The following DST variants were observed in gnomAD, a reference collection of about 807,000 sequenced individuals.
DST encodes the protein dystonin.
In DST, 253 loss-of-function variants were observed where a neutral mutation model predicts 875.2. That is an observed-to-expected ratio of 0.29 (90% CI 0.26 to 0.32). DST has a LOEUF of 0.32. Among genes scored for constraint, DST ranks in the 10% least tolerant of loss-of-function variants. DST has a pLI of 1.00. For synonymous variants in DST, 3,124 were observed against 3,197.1 expected, an observed-to-expected ratio of 0.98 and a Z score of 0.77; for missense variants, 8,287 against 9,111.6, an observed-to-expected ratio of 0.91 and a Z score of 3.68.
chr6:56,946,728 G>C, intron 2 of DST, among the ~76,000 whole-genome samples: 1 of 152,198 alleles, frequency 6.6e-6, no homozygotes, highest in East Asian at 1.9e-4. Flanking sequence ...TACATTAATT[G>C]TGAGTCAGGA....
chr6:56,603,933 A>G lies in DST; in HGVS notation c.10695T>C (p.Asp3565=). The G allele has an allele frequency of 6.2e-7, 1 of 1,611,530 alleles. No homozygotes were observed. Among genetic ancestry groups the G allele is most frequent in the Non-Finnish European group, 8.5e-7 (1 of 1,178,622 alleles). Residue 3565 remains aspartate (D), a synonymous_variant, in exon 40 of 104, where the codon GAT becomes GAC. Transcript: ENST00000680361. The part of the protein sequence containing the change: ...STVWASTLPR[D]EKLKDLCNDF... ...CATTACACAGATCCTTGAGCTTCTC[A>G]TCTCTTGGCAATGTTGATGCCCACA...
chr6:56,557,320 T>G lies in DST; in HGVS notation c.14639A>C (p.Gln4880Pro). 3.1e-6 allele frequency: 5 copies of G among 1,612,434 alleles called. No individual in the cohort carries two copies. Among genetic ancestry groups the G allele is most frequent in the Non-Finnish European group, 4.2e-6 (5 of 1,179,408 alleles). ...GACAGGTTATTAGGTAATACTCACC[T>G]GCACCTGCTGCCTTTGTGTGTTTAG... ...NMLNTQRQQV[Q>P]ILLQEFATRK... is the part of the protein sequence containing the mutation. Residue 4880 changes from glutamine (Q) to proline (P), a missense_variant and splice_region_variant, in exon 59 of 104, where the codon CAG becomes CCG. Around this residue, in one of 10 missense-constraint regions of DST, gnomAD observed 1,513 missense variants for 1,677.8 expected, o/e 0.90. Transcript: ENST00000680361.
rs1467104844 is a variant in DST at position 56,517,291 on chromosome 6, C to A, written c.18264G>T (p.Glu6088Asp). Reference sequence around the variant, plus strand: ...CAATAATATCCTTGTGTCTCAAAATCTCCATGGTGAATGTCTGTGATTTAC... The same window carrying A: ...CAATAATATCCTTGTGTCTCAAAATATCCATGGTGAATGTCTGTGATTTAC... ...QLQVQKTFTM[E>D]ILRHKDIIDD... The change falls in exon 71 of 104, where the codon GAG (glutamate) becomes GAT (aspartate). Residue 6088 changes from glutamate (E) to aspartate (D), a missense_variant. Around this residue, in one of 10 missense-constraint regions of DST, gnomAD observed 777 missense variants for 764.8 expected, o/e 1.02. Coordinates refer to ENST00000680361, the MANE Select transcript of DST (RefSeq NM_001374736.1). 1.2e-6 allele frequency: 2 copies of A among 1,612,316 alleles called. No homozygotes were observed. Among genetic ancestry groups the A allele is most frequent in the Non-Finnish European group, 8.5e-7 (1 of 1,179,216 alleles).
intron 4 of DST, among the ~76,000 whole-genome samples, chr6:56,746,580 T>C (rs577317418): frequency 5.7e-4 from 87 of 152,130 alleles, no homozygotes; most frequent in African/African-American, 2.0e-3. Context: ...TGGAAAATAA[T>C]ATATATAAAA....
intron 4 of DST, among the ~76,000 whole-genome samples, chr6:56,837,256 ACT>A (rs1291595772): frequency 6.6e-6 from 1 of 152,226 alleles, no homozygotes; most frequent in Non-Finnish European, 1.5e-5. Flanking sequence ...ATAAATACAT[ACT>A]ACAAGTTTTT....
At chr6:56,761,444 A>G (rs541711292) in intron 4 of DST, among the ~76,000 whole-genome samples, 2 of 152,352 alleles carry the variant, frequency 1.3e-5, no homozygotes, top group South Asian at 4.1e-4. Context: ...ATAAATGCAC[A>G]CCATGTTATG....
Position 56,628,161 on chromosome 6 carries a change from C to T in DST, c.4476G>A (p.Arg1492=). 2 of 1,612,996 alleles carry T rather than the reference C, an allele frequency of 1.2e-6. No individual in the cohort carries two copies. The highest frequency in any genetic ancestry group is 2.2e-5 in the East Asian group (1 of 44,866). ...TGCCAATGCCCTCTAAGTCCCGTAACCTAAGAGAATAGTAACCGAATAGTC... is the reference window on the plus strand; with the variant it reads ...TGCCAATGCCCTCTAAGTCCCGTAATCTAAGAGAATAGTAACCGAATAGTC... ...WQNVHVQIDN[R]LRDLEGIGKS... is the part of the protein sequence containing the mutation. Residue 1492 remains arginine (R), a splice_region_variant and synonymous_variant, in exon 33 of 104, where the codon AGG becomes AGA. Coordinates refer to ENST00000680361, the MANE Select transcript of DST (RefSeq NM_001374736.1).
intron 2 of DST, among the ~76,000 whole-genome samples, chr6:56,944,669 T>C (rs1228950338): frequency 3.3e-5 from 5 of 152,182 alleles, no homozygotes; most frequent in Admixed American, 2.6e-4. Context: ...TTTGACATTA[T>C]ACTAAGAATG....
chr6:56,714,808 C>T lies in DST; in HGVS notation c.688-10439G>A, dbSNP rs898146337. Among the ~76,000 whole-genome samples, 1 of 152,190 alleles carries T rather than the reference C, an allele frequency of 6.6e-6. No homozygotes were observed. Among genetic ancestry groups the T allele is most frequent in the African/African-American group, 2.4e-5 (1 of 41,454 alleles). On this transcript the variant is annotated intron_variant, in intron 5 of 103. Transcript: ENST00000680361. The surrounding 1 kb of genome is among the most constrained non-coding windows in gnomAD (Gnocchi z 4.5). ...GATATTTCTCTATTGATAACTCCTC[C>T]TCTAGTTACTGAAATCTTACTTTTC...
chr6:56,493,610 T>C (rs1045068321), intron 83 of DST, among the ~76,000 whole-genome samples: 78 of 152,134 alleles, frequency 5.1e-4, no homozygotes, highest in African/African-American at 1.9e-3. Context: ...AATTTTTAAA[T>C]GTAAGTACTT....
chr6:56,803,504 T>C (rs538923541), intron 4 of DST, among the ~76,000 whole-genome samples: 1 of 152,304 alleles, frequency 6.6e-6, no homozygotes, highest in South Asian at 2.1e-4. Context: ...CCATTTAACC[T>C]AACTACCACC....
chr6:56,785,337 G>C (rs1027026162), intron 4 of DST, among the ~76,000 whole-genome samples: 22 of 152,224 alleles, frequency 1.4e-4, no homozygotes, highest in Non-Finnish European at 2.9e-4. Context: ...AGGCAGGCAG[G>C]CCTCCTTGAG....
At position 56,552,364 on chromosome 6, in the gene DST, T is replaced by A; in HGVS notation, c.16428A>T (p.Leu5476Phe). The change falls in exon 61 of 104, where the codon TTA (leucine) becomes TTT (phenylalanine). Residue 5476 changes from leucine to phenylalanine, a missense_variant. Transcript: ENST00000680361. ...CTTCTCTGGCTTGGGCTCGGTCCAGTAACTTGTTGCATTGTTTGCTTAAGG... is the reference window on the plus strand; with the variant it reads ...CTTCTCTGGCTTGGGCTCGGTCCAGAAACTTGTTGCATTGTTTGCTTAAGG... ...LEALSKQCNK[L>F]LDRAQAREEQ... 6.2e-7 allele frequency: 1 copy of A among 1,614,008 alleles called. No individual in the cohort carries two copies. Among genetic ancestry groups the A allele is most frequent in the Non-Finnish European group, 8.5e-7 (1 of 1,179,882 alleles).
At position 56,648,565 on chromosome 6, in the gene DST, C is replaced by T. The variant is rs2098957641; in HGVS notation, c.1554+5G>A. The stretch of plus-strand genomic sequence containing the variant: ...ATCCTATGTAATTTCTACAGTGACA[C>T]TAACCTTCAGTTCTACAGGATTATT... On this transcript the variant is annotated splice_donor_5th_base_variant and intron_variant, in intron 13 of 103. Coordinates refer to ENST00000680361, the MANE Select transcript of DST (RefSeq NM_001374736.1). 2 of 1,566,404 alleles carry T rather than the reference C, an allele frequency of 1.3e-6. No individual in the cohort carries two copies. The highest frequency in any genetic ancestry group is 1.3e-5 in the African/African-American group (1 of 74,214).
intron 98 of DST, chr6:56,467,562 C>T (rs982076985): frequency 3.3e-5 from 5 of 151,940 alleles, no homozygotes; most frequent in African/African-American, 7.2e-5. Flanking sequence ...AAATTGGTGC[C>T]GCTAATAAGC....
At chr6:56,745,316 C>A (rs2152943685) in intron 4 of DST, among the ~76,000 whole-genome samples, 1 of 152,272 alleles carries the variant, frequency 6.6e-6, no homozygotes, top group African/African-American at 2.4e-5. Flanking sequence ...GTTGTGGCAA[C>A]AAAAGACTCT....
intron 61 of DST, among the ~76,000 whole-genome samples, chr6:56,544,454 A>C (rs955140802): frequency 6.6e-6 from 1 of 152,206 alleles, no homozygotes; most frequent in Non-Finnish European, 1.5e-5. Flanking sequence ...ATATAACCTC[A>C]CATTTGAGGT....
chr6:56,509,003 G>C (rs770344650), intron 74 of DST, among the ~76,000 whole-genome samples: 1 of 152,096 alleles, frequency 6.6e-6, no homozygotes, highest in Non-Finnish European at 1.5e-5. Flanking sequence ...GCTCAGAGTA[G>C]AACCAAGTTT....
intron 8 of DST, among the ~76,000 whole-genome samples, chr6:56,700,331 G>GCATT (rs1408147684): frequency 6.6e-6 from 1 of 152,124 alleles, no homozygotes; most frequent in Non-Finnish European, 1.5e-5. Flanking sequence ...AGTACTAAAA[G>GCATT]CATTCACTTG....
Sources: allele counts gnomAD v4.1 joint callset (sites outside exome capture counted in the v4.1 genomes callset), GRCh38; gene constraint gnomAD v4.1.1; regional missense constraint gnomAD v4.1.1; non-coding constraint Gnocchi (gnomAD v3.1); transcripts MANE v1.5; gene names NCBI Gene and HGNC (gene_info 2026-07-23, HGNC 2026-07-21).